EPHA6: variants seen among roughly 807,000 people sequenced by gnomAD.
EPHA6 encodes EPH receptor A6.
EPHA6 carries 50 observed loss-of-function variants against 112.0 expected under a neutral mutation model. The ratio of observed to expected loss-of-function variants is 0.45; its 90% CI spans 0.36 to 0.56. EPHA6 has a LOEUF of 0.56. Among genes scored for constraint, EPHA6 ranks in the 20% least tolerant of loss-of-function variants. The probability of loss-of-function intolerance (pLI) is 0.00; values close to 1 mark genes in which losing one functional copy is unlikely to be tolerated. For missense variants in EPHA6, 1,280 were observed against 1,417.4 expected (o/e 0.90, Z 1.56); for synonymous variants, 529 against 490.7 (o/e 1.08, Z -1.03).
intron 15 of EPHA6, among the ~76,000 whole-genome samples, chr3:97,732,671 C>G (rs2035088710): frequency 1.3e-5 from 2 of 152,010 alleles, no homozygotes; most frequent in African/African-American, 4.8e-5. Context: ...GGTTAAACCT[C>G]TTGTTATGAT....
chr3:97,151,214 A>G (rs1475637968), intron 3 of EPHA6, among the ~76,000 whole-genome samples: 3 of 152,092 alleles, frequency 2.0e-5, no homozygotes, highest in Admixed American at 6.6e-5. Flanking sequence ...AAATGAGTCT[A>G]TGCATTATAG....
chr3:97,623,165 A>G lies in EPHA6; in HGVS notation c.2574+12311A>G, dbSNP rs546704306. On this transcript the variant is annotated intron_variant, in intron 13 of 17. Coordinates refer to ENST00000389672, the MANE Select transcript of EPHA6 (RefSeq NM_001080448.3). ...GCCTGTGGCTTTGGTATCATATCTA[A>G]GAAATCATTGCCAAATCTAATGTTA... Among the ~76,000 whole-genome samples, 6 of 151,844 alleles carry G rather than the reference A, an allele frequency of 4.0e-5. No individual in the cohort carries two copies. In the East Asian group the frequency reaches 7.8e-4, roughly 20 times the overall value.
intron 5 of EPHA6, among the ~76,000 whole-genome samples, chr3:97,359,390 T>A (rs1417044077): frequency 1.3e-5 from 2 of 152,034 alleles, no homozygotes; most frequent in African/African-American, 4.8e-5. Context: ...GAATTTATTT[T>A]TGGTTTATTT....
intron 13 of EPHA6, among the ~76,000 whole-genome samples, chr3:97,623,116 A>T (rs1364050654): frequency 6.6e-6 from 1 of 151,766 alleles, no homozygotes; most frequent in African/African-American, 2.4e-5. Flanking sequence ...CATGTGGCAC[A>T]GTTTGTCAGT....
At chr3:97,432,463 T>C (rs2089569984) in intron 6 of EPHA6, among the ~76,000 whole-genome samples, 2 of 152,158 alleles carry the variant, frequency 1.3e-5, no homozygotes. Flanking sequence ...CGTTTTATGT[T>C]ACTTTTTAAC....
At chr3:96,866,516 G>C (rs1351005344) in intron 1 of EPHA6, among the ~76,000 whole-genome samples, 1 of 151,798 alleles carries the variant, frequency 6.6e-6, no homozygotes, top group Non-Finnish European at 1.5e-5. Context: ...AGCAAAGGTA[G>C]TTATTTTATC....
In EPHA6 at chr3:97,525,056, A is replaced by AT. The variant is rs1042275281; in HGVS notation, c.2201-7296dup. 2.6e-4 allele frequency among the ~76,000 whole-genome samples: 40 copies of AT among 151,870 alleles called. 1 individual carries two copies. Among genetic ancestry groups the AT allele is most frequent in the Non-Finnish European group, 4.7e-4 (32 of 67,954 alleles). Reference sequence around the variant, plus strand: ...GTTCATATCCCTCCCAAGATTTGGGATTTTTTCAAACAGTATTTCTTTAAA... The same window carrying AT: ...GTTCATATCCCTCCCAAGATTTGGGATTTTTTTCAAACAGTATTTCTTTAAA... On this transcript the variant is annotated intron_variant, in intron 10 of 17. Transcript: ENST00000389672.
intron 5 of EPHA6, among the ~76,000 whole-genome samples, chr3:97,398,545 T>G (rs1435826191): frequency 6.6e-6 from 1 of 151,408 alleles, no homozygotes; most frequent in Admixed American, 6.6e-5. Flanking sequence ...ATTACCGAAG[T>G]TGAACTGGAT....
At chr3:97,406,711 A>G (rs2087371877) in intron 6 of EPHA6, among the ~76,000 whole-genome samples, 1 of 152,160 alleles carries the variant, frequency 6.6e-6, no homozygotes, top group African/African-American at 2.4e-5. Context: ...TATGTAGTCA[A>G]TAAAAACTGT....
At chr3:97,156,702 G>T (rs1013438657) in intron 3 of EPHA6, among the ~76,000 whole-genome samples, 4 of 152,028 alleles carry the variant, frequency 2.6e-5, no homozygotes, top group Non-Finnish European at 5.9e-5. Context: ...ATGGAGAAAA[G>T]GTCATCTGCA....
chr3:97,459,768 A>G (rs2090823119), intron 7 of EPHA6, among the ~76,000 whole-genome samples: 1 of 152,160 alleles, frequency 6.6e-6, no homozygotes, highest in Non-Finnish European at 1.5e-5. Context: ...TTCCCTAGAG[A>G]CGATTTTAGC....
rs943781356 is a variant in EPHA6, at chr3:97,568,602, C to T, written c.2387-24010C>T. Among the ~76,000 whole-genome samples the T allele has an allele frequency of 2.6e-5, 4 of 152,238 alleles. No homozygotes were observed. The East Asian group carries it at 7.7e-4, about 29-fold the overall frequency. ...TGCCTACAATGCCCCTTTTTTCTTT[C>T]CCAGTGGTAAACTATTGCCCTTTTT... is the stretch of plus-strand genomic sequence containing the variant. On this transcript the variant is annotated intron_variant, in intron 11 of 17. Transcript: ENST00000389672.
chr3:97,422,137 C>CAAAA (rs34312259), intron 6 of EPHA6, among the ~76,000 whole-genome samples: 19 of 103,408 alleles, frequency 1.8e-4, no homozygotes, highest in Admixed American at 2.9e-4. Context: ...AATAGTCTCT[C>CAAAA]AAAAAAAAAA....
At chr3:97,138,417 T>C (rs902717289) in intron 3 of EPHA6, among the ~76,000 whole-genome samples, 3 of 152,154 alleles carry the variant, frequency 2.0e-5, no homozygotes, top group African/African-American at 7.2e-5. Flanking sequence ...TCTACTCCCA[T>C]AGTTGTAGAA....
In EPHA6 at chr3:97,754,291, T is replaced by A. The variant is rs1264512889; in HGVS notation, c.*5590T>A. Among the ~76,000 whole-genome samples, 1 of 152,022 alleles carries A rather than the reference T, an allele frequency of 6.6e-6. No individual in the cohort carries two copies. Among genetic ancestry groups the A allele is most frequent in the African/African-American group, 2.4e-5 (1 of 41,394 alleles). On this transcript the variant is annotated 3_prime_UTR_variant, in exon 18 of 18. Transcript: ENST00000389672. The stretch of plus-strand genomic sequence containing the variant: ...TTAGTAGAGACGGGATTTCTCCATG[T>A]TGGTTAGGCTGGTCTCGAACTCCCG...
intron 11 of EPHA6, among the ~76,000 whole-genome samples, chr3:97,551,266 G>T (rs1341713485): frequency 2.0e-5 from 3 of 152,096 alleles, no homozygotes; most frequent in African/African-American, 4.8e-5. Flanking sequence ...GTTGTGAAAT[G>T]AATACAGAAA....
chr3:96,911,022 T>C (rs1288608446), intron 2 of EPHA6, among the ~76,000 whole-genome samples: 2 of 152,072 alleles, frequency 1.3e-5, no homozygotes, highest in Admixed American at 6.6e-5. Context: ...TATATTTGCT[T>C]GAAATATATT....
chr3:97,104,164 C>T (rs540494628), intron 3 of EPHA6, among the ~76,000 whole-genome samples: 3 of 152,220 alleles, frequency 2.0e-5, no homozygotes, highest in South Asian at 4.1e-4. Context: ...ATTGCTCTAG[C>T]CAGGACTTAC....
chr3:97,343,213 CA>C (rs992287060), intron 5 of EPHA6, among the ~76,000 whole-genome samples: 81 of 152,206 alleles, frequency 5.3e-4, no homozygotes, highest in African/African-American at 1.9e-3. Context: ...AAGTCTCAAA[CA>C]GAAATGAAGA....
Sources: allele counts gnomAD v4.1 joint callset (sites outside exome capture counted in the v4.1 genomes callset), GRCh38; gene constraint gnomAD v4.1.1; transcripts MANE v1.5; gene names NCBI Gene and HGNC (gene_info 2026-07-23, HGNC 2026-07-21).